The following IFRD1 variants were observed in gnomAD, a reference collection of about 807,000 sequenced individuals.
IFRD1 encodes interferon-related developmental regulator 1.
A neutral mutation model predicts 52.9 loss-of-function variants in IFRD1; 35 were observed. The ratio of observed to expected loss-of-function variants is 0.66; its 90% CI spans 0.51 to 0.88. The LOEUF is 0.88. Among genes scored for constraint, IFRD1 ranks in the 40% least tolerant of loss-of-function variants. The pLI is 0.00. For synonymous variants in IFRD1, 184 were observed against 188.4 expected (o/e 0.98, Z 0.19); for missense variants, 517 against 550.8 (o/e 0.94, Z 0.61).
chr7:112,457,285 T>C lies in IFRD1; in HGVS notation c.409+247T>C, dbSNP rs958534546. 1.2e-5 allele frequency: 7 copies of C among 586,834 alleles called. No homozygotes were observed. The Admixed American group carries it at 1.8e-4, about 15-fold the overall frequency. The allele number at this position is 586,834 out of a possible 1,614,324, so 36.4% of individuals were successfully genotyped here. On this transcript the variant is annotated intron_variant, in intron 4 of 11. Coordinates refer to ENST00000403825, the MANE Select transcript of IFRD1 (RefSeq NM_001550.4). ...AGGGTAGATTGTCATCAACCTTTTT[T>C]GTATCAGAAGAGGTGATGGTCATTC...
intron 11 of IFRD1, among the ~76,000 whole-genome samples, 173 bp from the exon 12 acceptor site, chr7:112,475,257 C>A (rs900601593): frequency 1.3e-5 from 2 of 152,102 alleles, no homozygotes; most frequent in Non-Finnish European, 2.9e-5. Flanking sequence ...CTTGCATGGC[C>A]CCTGTTAACT....
At chr7:112,456,114 T>C in intron 3 of IFRD1, 28 bp downstream of exon 3, 1 of 1,200,652 alleles carries the variant, frequency 8.3e-7, no homozygotes, top group South Asian at 1.2e-5. Context: ...CTCCATTCTG[T>C]GTGAGTCTAT....
intron 4 of IFRD1, among the ~76,000 whole-genome samples, 194 bp from the exon 5 acceptor site, chr7:112,458,667 T>C (rs1795353604): frequency 6.6e-6 from 1 of 152,246 alleles, no homozygotes; most frequent in Non-Finnish European, 1.5e-5. Context: ...AAGTGGGATC[T>C]AGGATTTGAG....
Position 112,430,917 on chromosome 7 carries a change from T to C in IFRD1, c.-182+7485T>C, listed in dbSNP as rs1324234677. Among the ~76,000 whole-genome samples, 3 of 152,316 alleles carry C rather than the reference T, an allele frequency of 2.0e-5. No individual in the cohort carries two copies. The East Asian group carries it at 5.8e-4, about 29-fold the overall frequency. On this transcript the variant is annotated intron_variant, in intron 1 of 12. Transcript: ENST00000005558. ...AGCACCGTGTTCCCCAGCTAATTGA[T>C]ACAGAAGCTCCCCAAAGGCCAGTGA... is the stretch of plus-strand genomic sequence containing the variant.
chr7:112,438,097 A>C (rs1794757436), intron 1 of IFRD1, among the ~76,000 whole-genome samples: 1 of 152,164 alleles, frequency 6.6e-6, no homozygotes, highest in African/African-American at 2.4e-5. Context: ...CAGTGATTAG[A>C]TATGGGGTTC....
chr7:112,463,348 T>G (rs1372923490), intron 8 of IFRD1, among the ~76,000 whole-genome samples: 1 of 152,178 alleles, frequency 6.6e-6, no homozygotes, highest in African/African-American at 2.4e-5. Flanking sequence ...TTTAAAGAAG[T>G]TATTTAACAG....
chr7:112,449,986 G>A (rs540704578), upstream of IFRD1: 15 of 152,968 alleles, frequency 9.8e-5, no homozygotes, highest in African/African-American at 3.4e-4. Context: ...GGTGCCGCAG[G>A]GAAGTAGGGG....
intron 1 of IFRD1, among the ~76,000 whole-genome samples, chr7:112,451,841 T>C (rs558005299): frequency 9.2e-5 from 14 of 152,288 alleles, no homozygotes; most frequent in Non-Finnish European, 1.3e-4. Flanking sequence ...ATCAGGTATT[T>C]TTGGACACAG....
At chr7:112,454,343 C>T (rs1371390584) in intron 1 of IFRD1, among the ~76,000 whole-genome samples, 3 of 152,104 alleles carry the variant, frequency 2.0e-5, no homozygotes, top group Non-Finnish European at 2.9e-5. Context: ...CAAGCGCCTG[C>T]CACCAGGGCC....
rs570522481 is a variant in IFRD1, at chr7:112,473,645, G to A, written c.1266+784G>A. On this transcript the variant is annotated intron_variant, in intron 11 of 11. Transcript: ENST00000403825. ...TTGCCATGTTGGCCAGGCTAGTCTC[G>A]AACTCCTGACCTCAGGTGATCCACC... 1.6e-3 allele frequency among the ~76,000 whole-genome samples: 246 copies of A among 152,050 alleles called. 1 individual carries two copies. The highest frequency in any genetic ancestry group is 5.5e-3 in the African/African-American group (230 of 41,482).
intron 11 of IFRD1, 123 bp downstream of exon 11, chr7:112,472,984 G>A (rs1316784567): frequency 1.4e-6 from 1 of 715,452 alleles, no homozygotes; most frequent in Non-Finnish European, 2.5e-6. Flanking sequence ...GCTTCACATA[G>A]AATAGCTGTA....
intron 9 of IFRD1, among the ~76,000 whole-genome samples, chr7:112,470,023 C>T (rs1311503598): frequency 6.6e-6 from 1 of 151,556 alleles, no homozygotes; most frequent in Non-Finnish European, 1.5e-5. Context: ...ATGAAGGTTG[C>T]TCAACTGCCA....
intron 8 of IFRD1, among the ~76,000 whole-genome samples, chr7:112,465,414 C>G (rs1220879169): frequency 1.3e-5 from 2 of 152,178 alleles, no homozygotes. Context: ...CATCCTAATT[C>G]CATTCAACTT....
chr7:112,461,941 G>A, intron 6 of IFRD1, 25 bp downstream of exon 6: 1 of 1,602,590 alleles, frequency 6.2e-7, no homozygotes, highest in Non-Finnish European at 8.5e-7. Flanking sequence ...TTTGATTCTA[G>A]TTATCTGCAG....
intron 10 of IFRD1, 128 bp from the exon 11 acceptor site, chr7:112,472,638 C>T: frequency 1.3e-6 from 1 of 763,440 alleles, no homozygotes; most frequent in Non-Finnish European, 2.3e-6. Context: ...TATTGAGAAA[C>T]AGAAAATAAG....
chr7:112,450,305 C>T (rs17403123), upstream of IFRD1: 78,587 of 210,266 alleles, frequency 0.37, 16,049 homozygotes, highest in Non-Finnish European at 0.45. Context: ...GAAGACTGGC[C>T]GCATGGGATT....
chr7:112,445,218 C>T (rs1007960854), intron 1 of IFRD1, among the ~76,000 whole-genome samples: 6 of 152,048 alleles, frequency 3.9e-5, no homozygotes, highest in East Asian at 3.9e-4. Flanking sequence ...AGGCGCCCGC[C>T]ACCACGCCCG....
At chr7:112,436,875 AAAGGGCCTGG>A (rs1794711041) in intron 1 of IFRD1, among the ~76,000 whole-genome samples, 1 of 152,184 alleles carries the variant, frequency 6.6e-6, no homozygotes, top group South Asian at 2.1e-4. Context: ...AAGTTTGGGG[AAAGGGCCTGG>A]AAGGACATTC....
At chr7:112,465,929 A>C (rs1795597567) in intron 8 of IFRD1, among the ~76,000 whole-genome samples, 1 of 152,184 alleles carries the variant, frequency 6.6e-6, no homozygotes, top group African/African-American at 2.4e-5. Flanking sequence ...TTTAATGCTT[A>C]CAACCATTGT....
Sources: allele counts gnomAD v4.1 joint callset (sites outside exome capture counted in the v4.1 genomes callset), GRCh38; gene constraint gnomAD v4.1.1; transcripts MANE v1.5; gene names NCBI Gene and HGNC (gene_info 2026-07-23, HGNC 2026-07-21).